The following CRPPA variants were observed in gnomAD, a reference collection of about 807,000 sequenced individuals.
CRPPA encodes D-ribitol-5-phosphate cytidylyltransferase.
CRPPA carries 43 observed loss-of-function variants against 52.0 expected under a neutral mutation model. The observed-to-expected ratio is 0.83, with a 90% confidence interval of 0.65 to 1.07. CRPPA has a LOEUF of 1.07. Among genes scored for constraint, CRPPA ranks in the 50% least tolerant of loss-of-function variants. CRPPA has a pLI of 0.00. For missense variants in CRPPA, 629 were observed against 551.7 expected (o/e 1.14, Z -1.40); for synonymous variants, 250 against 203.5 (o/e 1.23, Z -1.94).
chr7:16,295,098 A>T (rs544146844), intron 5 of CRPPA, among the ~76,000 whole-genome samples: 4 of 152,230 alleles, frequency 2.6e-5, no homozygotes, highest in African/African-American at 9.6e-5. Context: ...ATGCCAATTA[A>T]AAGTATATTT....
rs6962986 is a variant in CRPPA at position 16,194,806 on chromosome 7, A to G, written c.1251+21260T>C. 5.8e-3 allele frequency among the ~76,000 whole-genome samples: 880 copies of G among 151,756 alleles called. 10 individuals are homozygous for G. The highest frequency in any genetic ancestry group is 0.02 in the African/African-American group (834 of 41,458). On this transcript the variant is annotated intron_variant, in intron 9 of 9. Coordinates refer to ENST00000407010, the MANE Select transcript of CRPPA (RefSeq NM_001101426.4). ...CTGGAAACCTGTGTGAACTTTGGAAATTATGCTCCGGTGAGTTTAAAACCT... is the reference window on the plus strand; with the variant it reads ...CTGGAAACCTGTGTGAACTTTGGAAGTTATGCTCCGGTGAGTTTAAAACCT...
At chr7:16,200,288 A>T (rs1781821918) in intron 9 of CRPPA, among the ~76,000 whole-genome samples, 1 of 152,234 alleles carries the variant, frequency 6.6e-6, no homozygotes, top group African/African-American at 2.4e-5. Context: ...ATACTAAGTG[A>T]CTTAGTCTTC....
chr7:16,370,627 T>C (rs537422034), intron 3 of CRPPA, among the ~76,000 whole-genome samples: 2 of 152,130 alleles, frequency 1.3e-5, no homozygotes, highest in African/African-American at 4.8e-5. Context: ...AGGCCTCGAG[T>C]CCCAGATCTT....
At position 16,133,992 on chromosome 7, in the gene CRPPA, C is replaced by T. The variant is rs1782720740; in HGVS notation, c.1252-42193G>A. ...TGTTGCCCAGGCTGGAGTGCAGTGG[C>T]GCAATCTCGGCTCACTGTAAGCTCC... On this transcript the variant is annotated intron_variant, in intron 9 of 9. Coordinates refer to ENST00000407010, the MANE Select transcript of CRPPA (RefSeq NM_001101426.4). 1.6e-5 allele frequency among the ~76,000 whole-genome samples: 2 copies of T among 123,538 alleles called. 1 individual carries two copies. Among genetic ancestry groups the T allele is most frequent in the Non-Finnish European group, 3.7e-5 (2 of 54,348 alleles). 81.0% of individuals were successfully genotyped at this position (123,538 alleles called of 152,430 possible). A position where few individuals can be genotyped will look rare whatever the true frequency, so the allele number is the denominator to read the frequency against.
intron 1 of CRPPA, among the ~76,000 whole-genome samples, chr7:16,407,938 C>A (rs1175509698): frequency 6.6e-6 from 1 of 151,822 alleles, no homozygotes; most frequent in Non-Finnish European, 1.5e-5. Context: ...GAAACTCCGT[C>A]TCTACCAAAA....
At position 16,258,425 on chromosome 7, in the gene CRPPA, T is replaced by G. The variant is rs772444578; in HGVS notation, c.1084A>C (p.Ser362Arg). 1.2e-6 allele frequency: 2 copies of G among 1,607,508 alleles called. No individual in the cohort carries two copies. The highest frequency in any genetic ancestry group is 1.7e-6 in the Non-Finnish European group (2 of 1,176,862). The part of the protein sequence containing the change: ...QKLLSMLEES[S>R]LCILYPVVVV... ...ACAACAGGATATAAAATGCAAAGAC[T>G]ACTCTCTTCAAGCATGCTCAGTAAC... is the stretch of plus-strand genomic sequence containing the variant. The change falls in exon 8 of 10, where the codon AGT becomes CGT. Residue 362 changes from serine (S) to arginine (R), a missense_variant. By Grantham distance (110) the Ser-to-Arg change is moderately radical. Transcript: ENST00000407010.
At chr7:16,366,533 A>G (rs950889714) in intron 3 of CRPPA, among the ~76,000 whole-genome samples, 6 of 152,196 alleles carry the variant, frequency 3.9e-5, no homozygotes, top group African/African-American at 1.4e-4. Context: ...TTACAGAACT[A>G]GAATCACTTC....
intron 2 of CRPPA, among the ~76,000 whole-genome samples, chr7:16,391,590 T>A (rs759354713): frequency 6.6e-6 from 1 of 152,186 alleles, no homozygotes; most frequent in East Asian, 1.9e-4. Context: ...TCAACTTAAA[T>A]AACGCTAAAA....
chr7:16,240,788 T>A lies in CRPPA; in HGVS notation c.1119+17602A>T, dbSNP rs1379072654. On this transcript the variant is annotated intron_variant, in intron 8 of 9. Transcript: ENST00000407010. ...TAGAGTTAACAGAGGAATAAGCAGG[T>A]AAGTAAAAGATGAGAAAGATATGTC... is the stretch of plus-strand genomic sequence containing the variant. Among the ~76,000 whole-genome samples, 19 of 152,114 alleles carry A rather than the reference T, an allele frequency of 1.2e-4. 1 individual carries two copies. Among genetic ancestry groups the A allele is most frequent in the Admixed American group, 1.0e-3 (16 of 15,256 alleles).
At chr7:16,417,172 G>A (rs1408854351) in intron 1 of CRPPA, among the ~76,000 whole-genome samples, 2 of 152,084 alleles carry the variant, frequency 1.3e-5, no homozygotes, top group Admixed American at 1.3e-4. Flanking sequence ...AGAGAAAAGG[G>A]GAACACTTAT....
intron 9 of CRPPA, among the ~76,000 whole-genome samples, chr7:16,171,233 C>T (rs1781178838): frequency 6.6e-6 from 1 of 152,198 alleles, no homozygotes; most frequent in African/African-American, 2.4e-5. Flanking sequence ...AAATGTTTCT[C>T]CAACCTTTTA....
intron 9 of CRPPA, among the ~76,000 whole-genome samples, chr7:16,171,928 A>G (rs1012401): frequency 0.81 from 123,511 of 152,152 alleles, 51,039 homozygotes; most frequent in Admixed American, 0.89. Context: ...GATAATTGTG[A>G]TATAAATATT....
At chr7:16,260,694 A>G (rs1783770952) in intron 6 of CRPPA, among the ~76,000 whole-genome samples, 1 of 151,174 alleles carries the variant, frequency 6.6e-6, no homozygotes, top group African/African-American at 2.4e-5. Flanking sequence ...CTTAACTTCA[A>G]CAAAGATGCA....
chr7:16,191,805 C>A (rs556579442), intron 9 of CRPPA, among the ~76,000 whole-genome samples: 1 of 152,222 alleles, frequency 6.6e-6, no homozygotes, highest in East Asian at 1.9e-4. Context: ...TGCCTCCTCC[C>A]TTACCTTATT....
At chr7:16,332,399 T>C (rs1425328555) in intron 3 of CRPPA, among the ~76,000 whole-genome samples, 1 of 152,170 alleles carries the variant, frequency 6.6e-6, no homozygotes, top group African/African-American at 2.4e-5. Flanking sequence ...TTATTCTTAA[T>C]TGGTATAAGA....
intron 9 of CRPPA, among the ~76,000 whole-genome samples, chr7:16,117,248 T>G (rs997656462): frequency 6.6e-6 from 1 of 152,208 alleles, no homozygotes; most frequent in Non-Finnish European, 1.5e-5. Context: ...CTGGTTTTCA[T>G]GTCTCAAGTG....
intron 8 of CRPPA, among the ~76,000 whole-genome samples, chr7:16,245,450 G>T (rs1428881535): frequency 8.5e-5 from 13 of 152,116 alleles, no homozygotes; most frequent in Admixed American, 8.5e-4. Context: ...GATGAAGCCT[G>T]ATCAGTCATA....
intron 9 of CRPPA, among the ~76,000 whole-genome samples, chr7:16,146,630 C>T (rs1311696997): frequency 6.6e-6 from 1 of 151,964 alleles, no homozygotes; most frequent in Non-Finnish European, 1.5e-5. Flanking sequence ...ACCTAAAATG[C>T]ATGAGAAGAT....
chr7:16,179,546 C>A (rs1222090611), intron 9 of CRPPA, among the ~76,000 whole-genome samples: 2 of 152,022 alleles, frequency 1.3e-5, no homozygotes, highest in Non-Finnish European at 2.9e-5. Flanking sequence ...TTGTGCTTTG[C>A]AGAGAAAAGG....
Sources: gnomAD v4.1 joint callset for allele counts (sites outside exome capture counted in the v4.1 genomes callset) on GRCh38, gnomAD v4.1.1 for gene constraint, MANE v1.5 for transcripts, NCBI Gene and HGNC (gene_info 2026-07-23, HGNC 2026-07-21) for gene names.